The following FILIP1L variants were observed in gnomAD, a reference collection of about 807,000 sequenced individuals.
The protein encoded by FILIP1L is filamin A-interacting protein 1-like.
FILIP1L carries 55 observed loss-of-function variants against 96.6 expected under a neutral mutation model. The observed-to-expected ratio is 0.57, with a 90% CI of 0.46 to 0.71. The LOEUF (loss-of-function observed/expected upper bound fraction) is 0.71. FILIP1L is among the 30% of genes least tolerant of loss of function. FILIP1L has a pLI of 0.00. For synonymous variants in FILIP1L, 467 were observed against 473.9 expected (o/e 0.99, Z 0.19); for missense variants, 1,304 against 1,321.2 (o/e 0.99, Z 0.20).
At chr3:100,102,285 G>A (rs909956809) in intron 1 of FILIP1L, among the ~76,000 whole-genome samples, 3 of 152,100 alleles carry the variant, frequency 2.0e-5, no homozygotes, top group East Asian at 3.9e-4. Flanking sequence ...AGCACCTGTT[G>A]TTTCCTGACT....
chr3:99,935,598 C>T (rs1707638585), intron 1 of FILIP1L, among the ~76,000 whole-genome samples: 1 of 152,184 alleles, frequency 6.6e-6, no homozygotes, highest in Non-Finnish European at 1.5e-5. Flanking sequence ...AGGATTGTTT[C>T]CTTTGACCTC....
At chr3:100,076,784 T>C (rs1255427048) in intron 1 of FILIP1L, among the ~76,000 whole-genome samples, 2 of 152,232 alleles carry the variant, frequency 1.3e-5, no homozygotes, top group Non-Finnish European at 2.9e-5. Context: ...GATTTCCAGG[T>C]CATTAATAAA....
intron 1 of FILIP1L, among the ~76,000 whole-genome samples, chr3:100,036,484 A>G (rs1414079516): frequency 6.6e-6 from 1 of 152,228 alleles, no homozygotes; most frequent in Non-Finnish European, 1.5e-5. Flanking sequence ...GACCCATTGA[A>G]TAAAATAAGA....
intron 4 of FILIP1L, among the ~76,000 whole-genome samples, chr3:99,909,576 A>G (rs1312256235): frequency 6.6e-6 from 1 of 152,216 alleles, no homozygotes; most frequent in African/African-American, 2.4e-5. Context: ...GAAACTCTCT[A>G]GAGTAAGAGA....
intron 4 of FILIP1L, among the ~76,000 whole-genome samples, chr3:99,885,674 T>G (rs1380503970): frequency 2.0e-5 from 3 of 152,344 alleles, no homozygotes; most frequent in African/African-American, 7.2e-5. Flanking sequence ...TGTCTATATA[T>G]CTCTGTCATC....
intron 4 of FILIP1L, among the ~76,000 whole-genome samples, chr3:99,916,910 A>G (rs1188241392): frequency 6.6e-6 from 1 of 152,226 alleles, no homozygotes; most frequent in South Asian, 2.1e-4. Context: ...ACTTGCCAGG[A>G]AAGTTTACCT....
At position 99,890,058 on chromosome 3, in the gene FILIP1L, C is replaced by T. The variant is rs149874638; in HGVS notation, c.605+34172G>A. ...AATCTAAATGCATCCTTTTGAAGTT[C>T]CTTTAGTGGAAGTCTGCTCTTTGCA... On this transcript the variant is annotated intron_variant, in intron 4 of 5. Coordinates refer to ENST00000477258, the MANE Select transcript of FILIP1L (RefSeq NM_001387850.1). Among the ~76,000 whole-genome samples the T allele has an allele frequency of 7.1e-3, 1,083 of 152,140 alleles. 18 individuals carry two copies. Among genetic ancestry groups the T allele is most frequent in the African/African-American group, 0.025 (1,048 of 41,530 alleles).
chr3:99,836,556 C>T (rs1427171936), intron 5 of FILIP1L, among the ~76,000 whole-genome samples: 1 of 152,122 alleles, frequency 6.6e-6, no homozygotes, highest in Non-Finnish European at 1.5e-5. Context: ...CACTCAACTG[C>T]CGCTCTTTTC....
intron 1 of FILIP1L, among the ~76,000 whole-genome samples, chr3:99,968,920 AG>A: frequency 6.6e-6 from 1 of 152,180 alleles, no homozygotes; most frequent in East Asian, 1.9e-4. Flanking sequence ...TTAGAAGAGA[AG>A]GAAGGGTATG....
intron 1 of FILIP1L, among the ~76,000 whole-genome samples, chr3:100,039,186 C>T (rs1396347155): frequency 6.6e-6 from 1 of 152,200 alleles, no homozygotes; most frequent in Non-Finnish European, 1.5e-5. Flanking sequence ...AGACCTTTCA[C>T]TGTAGTGGTG....
chr3:99,893,044 C>G (rs1341215521), intron 4 of FILIP1L, among the ~76,000 whole-genome samples: 8 of 151,988 alleles, frequency 5.3e-5, no homozygotes, highest in Non-Finnish European at 1.5e-5. Context: ...AAGATGCAAG[C>G]ATGATGCTCT....
At chr3:99,857,331 C>T (rs1944015147) in intron 4 of FILIP1L, among the ~76,000 whole-genome samples, 1 of 152,212 alleles carries the variant, frequency 6.6e-6, no homozygotes, top group African/African-American at 2.4e-5. Context: ...ACTGTTGGAA[C>T]AGGTCCTTCT....
chr3:100,085,078 T>C (rs1428750812), intron 1 of FILIP1L, among the ~76,000 whole-genome samples: 1 of 152,222 alleles, frequency 6.6e-6, no homozygotes, highest in African/African-American at 2.4e-5. Context: ...AACTAAGCCG[T>C]ATCCCCTAAA....
chr3:100,038,632 A>G (rs2065150505), intron 1 of FILIP1L, among the ~76,000 whole-genome samples: 1 of 152,190 alleles, frequency 6.6e-6, no homozygotes, highest in Non-Finnish European at 1.5e-5. Flanking sequence ...ATGCTTCCAT[A>G]ACAAAAACTG....
At chr3:99,933,246 C>T (rs1707545125) in intron 1 of FILIP1L, among the ~76,000 whole-genome samples, 1 of 152,084 alleles carries the variant, frequency 6.6e-6, no homozygotes, top group African/African-American at 2.4e-5. Flanking sequence ...CCGAAAAATG[C>T]CTATAGCCTT....
intron 1 of FILIP1L, among the ~76,000 whole-genome samples, chr3:100,111,160 A>C (rs1260082039): frequency 6.6e-6 from 1 of 152,172 alleles, no homozygotes; most frequent in Non-Finnish European, 1.5e-5. Flanking sequence ...TTCAAGGGCC[A>C]GAAGGAAGAA....
chr3:100,061,789 C>T lies in FILIP1L; in HGVS notation c.-11+52264G>A, dbSNP rs71313586. ...GAAGGTAATGCAATACCCAAGGACT[C>T]ACAGCTAGGAAATATCAGAGGCAAG... On this transcript the variant is annotated intron_variant, in intron 1 of 5. Coordinates refer to ENST00000477258, the MANE Select transcript of FILIP1L (RefSeq NM_001387850.1). Among the ~76,000 whole-genome samples the T allele has an allele frequency of 2.4e-3, 360 of 152,298 alleles. 1 individual carries two copies. The highest frequency in any genetic ancestry group is 4.0e-3 in the Non-Finnish European group (271 of 68,026).
At chr3:100,056,644 CAATA>C (rs2065468102) in intron 1 of FILIP1L, among the ~76,000 whole-genome samples, 1 of 151,312 alleles carries the variant, frequency 6.6e-6, no homozygotes, top group Non-Finnish European at 1.5e-5. Context: ...CAGCTGGAAA[CAATA>C]AATGTCTTAT....
At chr3:99,875,836 C>T (rs1038161660) in intron 4 of FILIP1L, among the ~76,000 whole-genome samples, 23 of 152,228 alleles carry the variant, frequency 1.5e-4, no homozygotes, top group African/African-American at 3.9e-4. Context: ...CACCTCCCAC[C>T]TCTCAACATT....
Sources: gnomAD v4.1 joint callset for allele counts (sites outside exome capture counted in the v4.1 genomes callset) on GRCh38, gnomAD v4.1.1 for gene constraint, MANE v1.5 for transcripts, NCBI Gene and HGNC (gene_info 2026-07-23, HGNC 2026-07-21) for gene names.